Variants in MCM5 observed in about 807,000 individuals in gnomAD.
MCM5 encodes minichromosome maintenance complex component 5, also known as DNA replication licensing factor MCM5.
MCM5 carries 46 observed loss-of-function variants against 79.9 expected under a neutral mutation model. The ratio of observed to expected loss-of-function variants is 0.58; its 90% confidence interval spans 0.45 to 0.74. The LOEUF is 0.74. MCM5 is among the 30% of genes least tolerant of loss of function. The probability of loss-of-function intolerance (pLI) is 0.00; values close to 1 mark genes in which losing one functional copy is unlikely to be tolerated. For synonymous variants in MCM5, 404 were observed against 390.5 expected (o/e 1.03, Z -0.41); for missense variants, 883 against 1,017.0 (o/e 0.87, Z 1.79).
chr22:35,419,736 C>T lies in MCM5; in HGVS notation c.1704-148C>T, dbSNP rs549142334. 1.7e-4 allele frequency: 120 copies of T among 693,036 alleles called. No homozygotes were observed. The African/African-American group carries it at 2.0e-3, about 11-fold the overall frequency. The allele number at this position is 693,036 out of a possible 1,614,324, so 42.9% of individuals were successfully genotyped here. On this transcript the variant is annotated intron_variant, in intron 13 of 16. Transcript: ENST00000216122. ...AGCCAGATTTCACTTAAATCTTTTC[C>T]GATTGTTGTCCCCCAGCCCATATGA...
the MCM5 span, among the ~76,000 whole-genome samples, chr22:35,447,117 G>A: frequency 2.6e-5 from 4 of 152,258 alleles, no homozygotes; most frequent in East Asian, 1.9e-4. Flanking sequence ...GGCCGAGGGC[G>A]TGCAGCATCA....
At chr22:35,443,217 C>T in the MCM5 span, among the ~76,000 whole-genome samples, 1 of 152,140 alleles carries the variant, frequency 6.6e-6, no homozygotes, top group African/African-American at 2.4e-5. Context: ...CATGGAATCT[C>T]GATCTGTCAC....
At chr22:35,406,847 G>A in intron 5 of MCM5, 122 bp downstream of exon 5, 1 of 1,047,406 alleles carries the variant, frequency 9.5e-7, no homozygotes, top group Non-Finnish European at 1.4e-6. Flanking sequence ...GGCTGGGCAG[G>A]GGTGTGCCCT....
At chr22:35,419,451 C>G (rs1207529815) in intron 13 of MCM5, among the ~76,000 whole-genome samples, 2 of 152,164 alleles carry the variant, frequency 1.3e-5, no homozygotes, top group East Asian at 3.9e-4. Flanking sequence ...GTGTCATCAG[C>G]TTGTCGTGTC....
chr22:35,406,712 A>T lies in MCM5; in HGVS notation c.583A>T (p.Arg195Trp). 6.2e-7 allele frequency: 1 copy of T among 1,607,988 alleles called. No homozygotes were observed. The highest frequency in any genetic ancestry group is 2.2e-5 in the East Asian group (1 of 44,880). ...RPGLEGYALP[R>W]KCNTDQAGRP... ...TGGCCTCGAGGGCTATGCCCTGCCC[A>T]GGAAGTGCAACACGTGAGTCTGTGG... The change falls in exon 5 of 17, where the codon AGG becomes TGG. Residue 195 changes from arginine to tryptophan, a missense_variant. By Grantham distance (101) the Arg-to-Trp change is moderately radical (BLOSUM62 -3). Around this residue, in one of 3 missense-constraint regions of MCM5, gnomAD observed 455 missense variants for 517.5 expected, o/e 0.88. Coordinates refer to ENST00000216122, the MANE Select transcript of MCM5 (RefSeq NM_006739.4).
Position 35,416,511 on chromosome 22 carries a change from C to CTGTGTGTGTGTGTGTGTG in MCM5, c.1414-83_1414-66dup, listed in dbSNP as rs133421. ...AGTTCTCTTTGCCCAGGCCTAGAAT[C>CTGTGTGTGTGTGTGTGTG]TGTGTGTGTGTGTGTGTGTGTGTGT... On this transcript the variant is annotated intron_variant, in intron 11 of 16. Coordinates refer to ENST00000216122, the MANE Select transcript of MCM5 (RefSeq NM_006739.4). The CTGTGTGTGTGTGTGTGTG allele has an allele frequency of 4.9e-5, 50 of 1,024,284 alleles. No homozygotes were observed. In the East Asian group the frequency reaches 6.5e-4, roughly 13 times the overall value. The allele number at this position is 1,024,284 out of a possible 1,614,324, so 63.4% of individuals were successfully genotyped here. A position where few individuals can be genotyped will look rare whatever the true frequency, so the allele number is the denominator to read the frequency against.
At chr22:35,418,928 T>C (rs1339584263) in intron 13 of MCM5, among the ~76,000 whole-genome samples, 1 of 152,198 alleles carries the variant, frequency 6.6e-6, no homozygotes. Flanking sequence ...ACCCAGCTGC[T>C]TGCCTCCAGA....
At chr22:35,415,052 G>A (rs1932502304) in intron 9 of MCM5, among the ~76,000 whole-genome samples, 1 of 152,072 alleles carries the variant, frequency 6.6e-6, no homozygotes. Flanking sequence ...TTCTCAGATT[G>A]TCTAACAGCC....
chr22:35,445,065 G>A, the MCM5 span, among the ~76,000 whole-genome samples: 1 of 152,170 alleles, frequency 6.6e-6, no homozygotes, highest in Non-Finnish European at 1.5e-5. Context: ...TGGAAACCGA[G>A]AGCTGGGCTG....
the MCM5 span, among the ~76,000 whole-genome samples, chr22:35,453,819 T>TATATAGAGAGAGAGAGAGAG: frequency 3.7e-5 from 3 of 81,532 alleles, no homozygotes; most frequent in African/African-American, 1.8e-4. Context: ...TATATATATA[T>TATATAGAGAGAGAGAGAGAG]AGAGAGAGAG....
the MCM5 span, among the ~76,000 whole-genome samples, chr22:35,440,705 G>C: frequency 4.6e-5 from 7 of 152,142 alleles, no homozygotes; most frequent in African/African-American, 1.7e-4. Flanking sequence ...GGAAGGCAGG[G>C]GCTGGTCTGG....
At chr22:35,423,582 T>C (rs1932747511) in intron 16 of MCM5, 1 of 361,040 alleles carries the variant, frequency 2.8e-6, no homozygotes, top group Middle Eastern at 7.3e-4. Flanking sequence ...CAGAGGTGGT[T>C]GGATTCTGGT....
At chr22:35,426,563 A>G (rs542946950), downstream of MCM5, among the ~76,000 whole-genome samples, 11 of 152,274 alleles carry the variant, frequency 7.2e-5, no homozygotes, top group African/African-American at 2.6e-4. Context: ...GACCCAGCGG[A>G]CATTTCTCTC....
chr22:35,412,146 T>A (rs1440463548), intron 7 of MCM5, among the ~76,000 whole-genome samples: 1 of 152,210 alleles, frequency 6.6e-6, no homozygotes, highest in Non-Finnish European at 1.5e-5. Flanking sequence ...GTCTCCACCT[T>A]GCCCTACCTT....
At chr22:35,410,652 A>G (rs1932353817) in intron 6 of MCM5, 92 bp from the exon 7 acceptor site, 2 of 1,279,380 alleles carry the variant, frequency 1.6e-6, no homozygotes, top group Non-Finnish European at 2.3e-6. Context: ...GCTGCAGTGG[A>G]CCCTGCGTGT....
the MCM5 span, among the ~76,000 whole-genome samples, chr22:35,452,116 A>G: frequency 6.6e-6 from 1 of 152,114 alleles, no homozygotes; most frequent in Non-Finnish European, 1.5e-5. Context: ...AGTAGGGTGA[A>G]ACTTGGTGCC....
chr22:35,435,833 A>G, the MCM5 span, among the ~76,000 whole-genome samples: 1 of 152,144 alleles, frequency 6.6e-6, no homozygotes, highest in African/African-American at 2.4e-5. Context: ...AGGGAAAAGG[A>G]GAGGGTATTT....
At chr22:35,417,383 C>T (rs1316184219) in intron 12 of MCM5, among the ~76,000 whole-genome samples, 1 of 152,204 alleles carries the variant, frequency 6.6e-6, no homozygotes, top group African/African-American at 2.4e-5. Context: ...TTTTCCAGTA[C>T]TTCTATCAAA....
the MCM5 span, among the ~76,000 whole-genome samples, chr22:35,440,630 A>C: frequency 6.6e-6 from 1 of 152,140 alleles, no homozygotes; most frequent in Non-Finnish European, 1.5e-5. Flanking sequence ...AGCAATGCAA[A>C]CTCCATTTGA....
Sources: allele counts gnomAD v4.1 joint callset (sites outside exome capture counted in the v4.1 genomes callset), GRCh38; gene constraint gnomAD v4.1.1; regional missense constraint gnomAD v4.1.1; transcripts MANE v1.5; gene names NCBI Gene and HGNC (gene_info 2026-07-23, HGNC 2026-07-21).